LINGO2: variants seen among roughly 807,000 people sequenced by gnomAD.
The protein encoded by LINGO2 is leucine rich repeat and Ig domain containing 2.
A neutral mutation model predicts 30.6 loss-of-function variants in LINGO2; 14 were observed. The observed-to-expected ratio is 0.46, with a 90% CI of 0.30 to 0.72. The LOEUF is 0.72. Ranked by LOEUF, LINGO2 falls within the 30% of genes least tolerant of loss-of-function variation. The probability of loss-of-function intolerance (pLI) is 0.07; values close to 1 mark genes in which losing one functional copy is unlikely to be tolerated. For missense variants in LINGO2, 729 were observed against 751.7 expected, an observed-to-expected ratio of 0.97 and a Z score of 0.35; for synonymous variants, 317 against 288.5, an observed-to-expected ratio of 1.10 and a Z score of -1.00.
chr9:29,074,678 C>CTT, the LINGO2 span, among the ~76,000 whole-genome samples: 1,215 of 87,980 alleles, frequency 0.014, no homozygotes, highest in Non-Finnish European at 0.018. Context: ...AAATTACTTA[C>CTT]TTTTTTTTTT....
intron 5 of LINGO2, among the ~76,000 whole-genome samples, chr9:27,991,885 T>C (rs1007005114): frequency 1.3e-5 from 2 of 152,094 alleles, no homozygotes; most frequent in African/African-American, 4.8e-5. Context: ...CTGAGCTGCC[T>C]TCCATTTTTT....
chr9:29,072,156 C>T, the LINGO2 span, among the ~76,000 whole-genome samples: 1 of 145,656 alleles, frequency 6.9e-6, no homozygotes, highest in Admixed American at 6.8e-5. Flanking sequence ...ATAATGAAAA[C>T]ATCCACATTA....
At chr9:29,112,714 T>C in the LINGO2 span, among the ~76,000 whole-genome samples, 2 of 152,210 alleles carry the variant, frequency 1.3e-5, no homozygotes, top group Non-Finnish European at 2.9e-5. Context: ...TCTCCACAGC[T>C]TCTATTCCTG....
Position 28,290,290 on chromosome 9 carries a change from G to C in LINGO2, c.-87+4918C>G, listed in dbSNP as rs139989875. On this transcript the variant is annotated intron_variant, in intron 4 of 5. Coordinates refer to ENST00000379992, the Ensembl canonical transcript of LINGO2. ...TAAGTATTGGTCTTACTGGATACTTGTTTTCAGGCAAATCAGTGGAGCACC... is the reference window on the plus strand; with the variant it reads ...TAAGTATTGGTCTTACTGGATACTTCTTTTCAGGCAAATCAGTGGAGCACC... Among the ~76,000 whole-genome samples, 5 of 152,248 alleles carry C rather than the reference G, an allele frequency of 3.3e-5. No homozygotes were observed. In the East Asian group the frequency reaches 9.7e-4, roughly 29 times the overall value.
intron 4 of LINGO2, among the ~76,000 whole-genome samples, chr9:28,045,208 T>A (rs763466030): frequency 2.0e-5 from 3 of 152,074 alleles, no homozygotes; most frequent in Non-Finnish European, 4.4e-5. Context: ...CAGATTGTCT[T>A]GTAAAGAAAC....
chr9:28,099,867 G>A (rs1409407962), intron 4 of LINGO2, among the ~76,000 whole-genome samples: 3 of 152,072 alleles, frequency 2.0e-5, no homozygotes, highest in Non-Finnish European at 4.4e-5. Flanking sequence ...GTTCAACTCA[G>A]ACCCTTTACT....
At chr9:28,760,098 G>T in the LINGO2 span, among the ~76,000 whole-genome samples, 1 of 152,010 alleles carries the variant, frequency 6.6e-6, no homozygotes, top group Non-Finnish European at 1.5e-5. Context: ...TATTCTGATA[G>T]AAATGTTTTT....
At chr9:28,419,284 T>C (rs1320296296) in intron 2 of LINGO2, among the ~76,000 whole-genome samples, 1 of 152,162 alleles carries the variant, frequency 6.6e-6, no homozygotes, top group Non-Finnish European at 1.5e-5. Flanking sequence ...CTTGAATTTT[T>C]GTTTTTTCTC....
intron 1 of LINGO2, among the ~76,000 whole-genome samples, chr9:28,571,100 G>A (rs1440635060): frequency 1.3e-5 from 2 of 151,908 alleles, no homozygotes; most frequent in African/African-American, 4.8e-5. Context: ...TGAGATCCAT[G>A]ATGTAGACTG....
At chr9:27,948,749 G>A (rs1412751751) in exon 6 of LINGO2, 8 of 1,331,808 alleles carry the variant, frequency 6.0e-6, no homozygotes, top group Non-Finnish European at 8.3e-6. Context: ...TGATACAGGG[G>A]CAGCTGCACA....
At chr9:28,301,911 G>C (rs1276242333) in intron 3 of LINGO2, among the ~76,000 whole-genome samples, 3 of 152,100 alleles carry the variant, frequency 2.0e-5, no homozygotes, top group Non-Finnish European at 2.9e-5. Context: ...AGAAGAGATT[G>C]GGGGCCTATA....
chr9:28,239,510 A>T (rs1369625001), intron 4 of LINGO2, among the ~76,000 whole-genome samples: 1 of 152,196 alleles, frequency 6.6e-6, no homozygotes, highest in Non-Finnish European at 1.5e-5. Flanking sequence ...GTGAAACATC[A>T]TACCAACAGA....
At chr9:28,982,966 T>C in the LINGO2 span, among the ~76,000 whole-genome samples, 1 of 152,006 alleles carries the variant, frequency 6.6e-6, no homozygotes. Context: ...TGACTGACAA[T>C]TCATTTGGTT....
At chr9:28,453,162 AT>A (rs1198538094) in intron 2 of LINGO2, among the ~76,000 whole-genome samples, 1 of 151,870 alleles carries the variant, frequency 6.6e-6, no homozygotes, top group East Asian at 1.9e-4. Context: ...TTTTCCCAGC[AT>A]TTTCTGTGTT....
At chr9:28,279,127 A>C (rs1432586232) in intron 4 of LINGO2, among the ~76,000 whole-genome samples, 1 of 152,204 alleles carries the variant, frequency 6.6e-6, no homozygotes, top group Non-Finnish European at 1.5e-5. Flanking sequence ...CTACAATCTC[A>C]TGATCAAACC....
chr9:28,966,122 A>T, the LINGO2 span, among the ~76,000 whole-genome samples: 1 of 152,106 alleles, frequency 6.6e-6, no homozygotes, highest in Non-Finnish European at 1.5e-5. Flanking sequence ...AGGCTTGTTG[A>T]CATAAAAGTT....
chr9:28,739,871 A>C, the LINGO2 span, among the ~76,000 whole-genome samples: 1 of 151,096 alleles, frequency 6.6e-6, no homozygotes, highest in Non-Finnish European at 1.5e-5. Flanking sequence ...CCTATATATA[A>C]GATGTATACA....
chr9:28,727,536 C>A, the LINGO2 span, among the ~76,000 whole-genome samples: 1 of 152,184 alleles, frequency 6.6e-6, no homozygotes, highest in Non-Finnish European at 1.5e-5. Flanking sequence ...GATCTGCCTG[C>A]TTCAGCCTCT....
the LINGO2 span, among the ~76,000 whole-genome samples, chr9:28,876,789 T>G: frequency 2.6e-5 from 4 of 152,122 alleles, no homozygotes; most frequent in African/African-American, 9.7e-5. Flanking sequence ...CTGGGTCAAA[T>G]GGTAATTCTA....
Sources: gnomAD v4.1 joint callset for allele counts (sites outside exome capture counted in the v4.1 genomes callset) on GRCh38, gnomAD v4.1.1 for gene constraint, MANE v1.5 for transcripts, NCBI Gene and HGNC (gene_info 2026-07-23, HGNC 2026-07-21) for gene names.